Variants in TAMM41 observed in about 807,000 individuals in gnomAD.
TAMM41 encodes the protein TAM41 mitochondrial translocator assembly and maintenance homolog, also known as phosphatidate cytidylyltransferase, mitochondrial.
In TAMM41, 36 loss-of-function variants were observed where a neutral mutation model predicts 44.1. The observed-to-expected ratio is 0.82, with a 90% CI of 0.63 to 1.08. The LOEUF is 1.08. Among genes scored for constraint, TAMM41 ranks in the 50% least tolerant of loss-of-function variants. TAMM41 has a pLI of 0.00. For synonymous variants in TAMM41, 164 were observed against 153.1 expected, an observed-to-expected ratio of 1.07 and a Z score of -0.53; for missense variants, 417 against 404.3, an observed-to-expected ratio of 1.03 and a Z score of -0.27.
chr3:11,758,870 C>T, the TAMM41 span, among the ~76,000 whole-genome samples: 6 of 151,698 alleles, frequency 4.0e-5, no homozygotes, highest in Admixed American at 1.3e-4. Flanking sequence ...GATGGAGTTT[C>T]GCCATGCTGG....
At chr3:11,725,184 C>T in the TAMM41 span, among the ~76,000 whole-genome samples, 1 of 142,856 alleles carries the variant, frequency 7.0e-6, no homozygotes, top group African/African-American at 2.6e-5. Flanking sequence ...TCTCTTCCCT[C>T]TTTTGCTCCC....
intron 5 of TAMM41, chr3:11,810,700 G>A (rs894991514): frequency 6.6e-6 from 1 of 152,102 alleles, no homozygotes; most frequent in Non-Finnish European, 1.5e-5. Flanking sequence ...TTACAGATAG[G>A]ACGAACTTTC....
At chr3:11,813,884 A>ATATATGTGTATATATG (rs776163713) in intron 5 of TAMM41, among the ~76,000 whole-genome samples, 30 of 148,074 alleles carry the variant, frequency 2.0e-4, no homozygotes, top group East Asian at 4.1e-4. Flanking sequence ...GTATATATGT[A>ATATATGTGTATATATG]TATATGTGTA....
intron 6 of TAMM41, 55 bp from the exon 7 acceptor site, chr3:11,807,950 A>C: frequency 6.8e-7 from 1 of 1,469,902 alleles, no homozygotes. Flanking sequence ...GATGTTAGTC[A>C]TCTTAACAGT....
chr3:11,779,130 C>G, the TAMM41 span, among the ~76,000 whole-genome samples: 2 of 152,110 alleles, frequency 1.3e-5, no homozygotes, highest in African/African-American at 4.8e-5. Context: ...TTCAAAAGAG[C>G]CTGGCACCCG....
At chr3:11,808,376 T>C in intron 6 of TAMM41, 1 of 999,022 alleles carries the variant, frequency 1.0e-6, no homozygotes, top group Non-Finnish European at 1.2e-6. Flanking sequence ...CAGGATCATG[T>C]TCAAACAAAC....
chr3:11,762,820 G>A, the TAMM41 span, among the ~76,000 whole-genome samples: 1 of 152,196 alleles, frequency 6.6e-6, no homozygotes, highest in African/African-American at 2.4e-5. Context: ...AGCACTTTGG[G>A]AGGCCAAGGC....
the TAMM41 span, among the ~76,000 whole-genome samples, chr3:11,781,152 C>T: frequency 6.6e-6 from 1 of 152,164 alleles, no homozygotes; most frequent in Non-Finnish European, 1.5e-5. Flanking sequence ...GTCCTGTCAT[C>T]CTCTTCTATG....
At chr3:11,740,942 C>T in the TAMM41 span, among the ~76,000 whole-genome samples, 14 of 141,724 alleles carry the variant, frequency 9.9e-5, 1 homozygote, top group African/African-American at 3.6e-4. Context: ...GGCTCCAGGC[C>T]GGGCGTGGTG....
At position 11,807,535 on chromosome 3, in the gene TAMM41, C is replaced by A. The variant is rs776942467; in HGVS notation, c.937+298G>T. 8.5e-6 allele frequency: 13 copies of A among 1,535,952 alleles called. No homozygotes were observed. The South Asian group carries it at 1.2e-4, about 14-fold the overall frequency. On this transcript the variant is annotated intron_variant, in intron 7 of 7. Coordinates refer to ENST00000455809, the MANE Select transcript of TAMM41 (RefSeq NM_001284401.2). ...CTGCTGTTTTTGCAATCCTATGCAT[C>A]TGTAACTTTGATAAATAAAACAATA... is the stretch of plus-strand genomic sequence containing the variant.
chr3:11,785,324 G>A, the TAMM41 span, among the ~76,000 whole-genome samples: 6 of 151,916 alleles, frequency 3.9e-5, no homozygotes, highest in Admixed American at 1.3e-4. Flanking sequence ...TCTGGTTTTT[G>A]TTTTTGTTTT....
At chr3:11,763,011 C>T in the TAMM41 span, among the ~76,000 whole-genome samples, 560 of 152,162 alleles carry the variant, frequency 3.7e-3, 6 homozygotes, top group African/African-American at 0.013. Flanking sequence ...GCACTCTAGC[C>T]GGGGCAACAA....
chr3:11,769,282 G>T, the TAMM41 span, among the ~76,000 whole-genome samples: 2 of 152,186 alleles, frequency 1.3e-5, no homozygotes, highest in East Asian at 3.9e-4. Context: ...TAAAGATGGG[G>T]TTTCACCATG....
chr3:11,784,666 T>C, the TAMM41 span, among the ~76,000 whole-genome samples: 20 of 152,208 alleles, frequency 1.3e-4, no homozygotes. Context: ...GGCTAGTTTC[T>C]AAATTATACA....
intron 3 of TAMM41, chr3:11,830,929 A>C (rs2078959878): frequency 6.6e-6 from 1 of 151,652 alleles, no homozygotes; most frequent in Admixed American, 6.6e-5. Context: ...TGAGATTCTT[A>C]CTTTTAAAGA....
intron 3 of TAMM41, among the ~76,000 whole-genome samples, chr3:11,834,180 T>G (rs1437977982): frequency 6.6e-6 from 1 of 151,874 alleles, no homozygotes; most frequent in East Asian, 1.9e-4. Context: ...GGAGGTCGAG[T>G]AAATTGTGTT....
At chr3:11,736,850 G>A in the TAMM41 span, among the ~76,000 whole-genome samples, 1 of 152,200 alleles carries the variant, frequency 6.6e-6, no homozygotes, top group Admixed American at 6.5e-5. Context: ...TTGGTCTACA[G>A]AAGCCAAAGG....
chr3:11,806,662 A>C (rs2124949403), intron 7 of TAMM41, among the ~76,000 whole-genome samples: 1 of 152,334 alleles, frequency 6.6e-6, no homozygotes, highest in East Asian at 1.9e-4. Context: ...CAGAGAAAAC[A>C]GATGGGACAA....
At chr3:11,786,550 G>A (rs563681852), downstream of TAMM41, among the ~76,000 whole-genome samples, 26 of 151,812 alleles carry the variant, frequency 1.7e-4, no homozygotes, top group African/African-American at 5.6e-4. Flanking sequence ...TGATCCACCC[G>A]CCTCAGCCTC....
Sources: allele counts gnomAD v4.1 joint callset (sites outside exome capture counted in the v4.1 genomes callset), GRCh38; gene constraint gnomAD v4.1.1; transcripts MANE v1.5; gene names NCBI Gene and HGNC (gene_info 2026-07-23, HGNC 2026-07-21).